LRP1B: variants seen among roughly 807,000 people sequenced by gnomAD.
LRP1B encodes low-density lipoprotein receptor-related protein 1B.
A neutral mutation model predicts 556.6 loss-of-function variants in LRP1B; 217 were observed. The ratio of observed to expected loss-of-function variants is 0.39; its 90% CI spans 0.35 to 0.44. The LOEUF is 0.44. Ranked by LOEUF, LRP1B falls within the 20% of genes least tolerant of loss-of-function variation. The pLI is 1.00. For synonymous variants in LRP1B, 2,047 were observed against 1,865.8 expected, an observed-to-expected ratio of 1.10 and a Z score of -2.50; for missense variants, 5,053 against 5,620.8, an observed-to-expected ratio of 0.90 and a Z score of 3.23.
At chr2:141,734,444 C>A (rs1212019044) in intron 2 of LRP1B, among the ~76,000 whole-genome samples, 1 of 151,750 alleles carries the variant, frequency 6.6e-6, no homozygotes, top group Non-Finnish European at 1.5e-5. Context: ...ATGAAAAACA[C>A]ACAGGGAGAG....
chr2:141,863,586 G>T (rs879561157), intron 1 of LRP1B, among the ~76,000 whole-genome samples: 1 of 152,136 alleles, frequency 6.6e-6, no homozygotes, highest in African/African-American at 2.4e-5. Context: ...CTTATTTTTT[G>T]TGACAGGAGA....
chr2:141,183,381 C>T (rs942255029), intron 7 of LRP1B, among the ~76,000 whole-genome samples: 3 of 152,036 alleles, frequency 2.0e-5, no homozygotes, highest in Non-Finnish European at 4.4e-5. Context: ...GTCCTGCTCC[C>T]GATAGCTGTT....
At chr2:140,993,920 C>T (rs2105358434) in intron 16 of LRP1B, 75 bp downstream of exon 16, 3 of 1,460,950 alleles carry the variant, frequency 2.1e-6, no homozygotes, top group Middle Eastern at 1.8e-4. Flanking sequence ...CAGATTGTCA[C>T]AAACTGCCTT....
intron 7 of LRP1B, among the ~76,000 whole-genome samples, chr2:141,184,912 T>A (rs939165891): frequency 4.6e-5 from 7 of 151,980 alleles, no homozygotes; most frequent in African/African-American, 1.7e-4. Context: ...CACTTTATTA[T>A]ATAATAGATT....
At chr2:141,679,571 T>C (rs1201745821) in intron 2 of LRP1B, among the ~76,000 whole-genome samples, 2 of 152,206 alleles carry the variant, frequency 1.3e-5, no homozygotes, top group Non-Finnish European at 2.9e-5. Context: ...GTGAAGATGC[T>C]GTACCCTCAG....
intron 2 of LRP1B, among the ~76,000 whole-genome samples, chr2:141,768,578 C>T (rs1694801204): frequency 6.6e-6 from 1 of 151,994 alleles, no homozygotes; most frequent in Non-Finnish European, 1.5e-5. Flanking sequence ...CATTTTGCAT[C>T]CACTGAAAAC....
At chr2:141,051,795 T>C (rs185937607) in intron 10 of LRP1B, among the ~76,000 whole-genome samples, 127 of 152,178 alleles carry the variant, frequency 8.3e-4, no homozygotes, top group African/African-American at 3.0e-3. Flanking sequence ...ATTAATATTA[T>C]TTTTATTATA....
chr2:141,947,655 T>A (rs1221784802), intron 1 of LRP1B, among the ~76,000 whole-genome samples: 1 of 152,028 alleles, frequency 6.6e-6, no homozygotes, highest in African/African-American at 2.4e-5. Flanking sequence ...TTAATTCTCT[T>A]TAAGTATTAG....
Position 140,844,065 on chromosome 2 carries a change from C to CT in LRP1B, c.4940-2974dup, listed in dbSNP as rs1285641935. 4.1e-3 allele frequency among the ~76,000 whole-genome samples: 600 copies of CT among 146,710 alleles called. 2 individuals carry two copies. The highest frequency in any genetic ancestry group is 7.2e-3 in the Middle Eastern group (2 of 276). ...CGTACTCAAGCAATCTTAATTCTAA[C>CT]TTTTTTTTTTTTTGAGATGAAGTTT... On this transcript the variant is annotated intron_variant, in intron 29 of 90. Coordinates refer to ENST00000389484, the MANE Select transcript of LRP1B (RefSeq NM_018557.3).
chr2:140,528,167 A>C lies in LRP1B; in HGVS notation c.7763-1817T>G, dbSNP rs1385770. 3.3e-5 allele frequency among the ~76,000 whole-genome samples: 5 copies of C among 151,696 alleles called. No homozygotes were observed. The East Asian group carries it at 7.8e-4, about 24-fold the overall frequency. ...TAGGGAATGGCATTTCAGACAGTCA[A>C]GAAAACTGGAAATTCAGCGATTTCA... On this transcript the variant is annotated intron_variant, in intron 47 of 90. Coordinates refer to ENST00000389484, the MANE Select transcript of LRP1B (RefSeq NM_018557.3).
chr2:140,968,869 C>G (rs911687047), intron 18 of LRP1B, among the ~76,000 whole-genome samples: 7 of 152,070 alleles, frequency 4.6e-5, no homozygotes, highest in Admixed American at 6.6e-5. Flanking sequence ...CTGAGTTCTA[C>G]TTTGATTGCA....
intron 1 of LRP1B, among the ~76,000 whole-genome samples, chr2:142,019,793 C>G (rs1703276311): frequency 6.6e-6 from 1 of 152,162 alleles, no homozygotes; most frequent in Non-Finnish European, 1.5e-5. Flanking sequence ...AGCCACATTC[C>G]CATCTCAGGA....
At chr2:141,478,102 T>C (rs1177710224) in intron 3 of LRP1B, among the ~76,000 whole-genome samples, 3 of 152,330 alleles carry the variant, frequency 2.0e-5, no homozygotes, top group Admixed American at 6.5e-5. Context: ...TATATGTCAA[T>C]CTTTTCAAGG....
intron 66 of LRP1B, among the ~76,000 whole-genome samples, chr2:140,436,159 C>CA (rs1376001045): frequency 5.9e-5 from 9 of 152,126 alleles, no homozygotes; most frequent in Non-Finnish European, 8.8e-5. Context: ...AATAATAGTA[C>CA]AAAAAATCTT....
chr2:141,001,777 T>C lies in LRP1B; in HGVS notation c.2503+3558A>G, dbSNP rs180813057. On this transcript the variant is annotated intron_variant, in intron 15 of 90. Transcript: ENST00000389484. ...AAGTCCCTGAAAGCTACTCTGTGTG[T>C]GCGTGTGCGTGCGCACGCATATGCA... Among the ~76,000 whole-genome samples the C allele has an allele frequency of 4.1e-4, 63 of 152,282 alleles. 1 individual carries two copies. Among genetic ancestry groups the C allele is most frequent in the African/African-American group, 1.5e-3 (62 of 41,574 alleles).
intron 2 of LRP1B, among the ~76,000 whole-genome samples, chr2:141,551,398 C>T (rs971173832): frequency 2.6e-5 from 4 of 151,890 alleles, no homozygotes; most frequent in Non-Finnish European, 4.4e-5. Flanking sequence ...TTATTATGAA[C>T]TAGATTTAGC....
chr2:141,562,649 G>A (rs1400156264), intron 2 of LRP1B, among the ~76,000 whole-genome samples: 4 of 151,902 alleles, frequency 2.6e-5, no homozygotes, highest in South Asian at 2.1e-4. Flanking sequence ...TTGCACAACC[G>A]CTGGCTTCAC....
chr2:141,420,804 A>G (rs931483879), intron 3 of LRP1B, among the ~76,000 whole-genome samples: 1 of 152,224 alleles, frequency 6.6e-6, no homozygotes, highest in Non-Finnish European at 1.5e-5. Context: ...AGTGGCCCCC[A>G]GAAATACACA....
chr2:141,975,419 T>A (rs1430199310), intron 1 of LRP1B, among the ~76,000 whole-genome samples: 2 of 152,070 alleles, frequency 1.3e-5, no homozygotes, highest in African/African-American at 4.8e-5. Context: ...AGACATTACC[T>A]TTTAAAACTC....
Sources: allele counts gnomAD v4.1 joint callset (sites outside exome capture counted in the v4.1 genomes callset), GRCh38; gene constraint gnomAD v4.1.1; transcripts MANE v1.5; gene names NCBI Gene and HGNC (gene_info 2026-07-23, HGNC 2026-07-21).